The following NCOA1 variants were observed in gnomAD, a reference collection of about 807,000 sequenced individuals.
The protein encoded by NCOA1 is nuclear receptor coactivator 1.
Under a neutral mutation model 150.9 loss-of-function variants are expected in NCOA1, and 35 were observed. That is an observed-to-expected ratio of 0.23 (90% CI 0.18 to 0.31). The LOEUF (loss-of-function observed/expected upper bound fraction) is 0.31, where lower values mean the gene tolerates loss of function less well. Among genes scored for constraint, NCOA1 ranks in the 10% least tolerant of loss-of-function variants. The pLI is 1.00. For missense variants in NCOA1, 1,491 were observed against 1,749.3 expected (o/e 0.85, Z 2.63); for synonymous variants, 590 against 630.0 (o/e 0.94, Z 0.95).
chr2:24,678,804 A>G (rs1035868274), intron 7 of NCOA1, among the ~76,000 whole-genome samples: 11 of 152,164 alleles, frequency 7.2e-5, no homozygotes, highest in Non-Finnish European at 1.6e-4. Flanking sequence ...AGATGGATAG[A>G]TTGCAAAAAT....
intron 21 of NCOA1, among the ~76,000 whole-genome samples, chr2:24,758,430 A>G (rs1055115879): frequency 6.7e-6 from 1 of 149,178 alleles, no homozygotes; most frequent in Non-Finnish European, 1.5e-5. Context: ...GCCCAGGCTC[A>G]AGGGATCCTC....
At chr2:24,635,348 G>C (rs1669895565) in intron 3 of NCOA1, among the ~76,000 whole-genome samples, 2 of 152,032 alleles carry the variant, frequency 1.3e-5, no homozygotes, top group Admixed American at 1.3e-4. Context: ...TGGTTTCCCT[G>C]TTCCCTTGCT....
At chr2:24,655,258 A>G (rs896425586) in intron 4 of NCOA1, among the ~76,000 whole-genome samples, 1 of 152,132 alleles carries the variant, frequency 6.6e-6, no homozygotes, top group African/African-American at 2.4e-5. Flanking sequence ...TCTAATATTT[A>G]CCTTTGCTGA....
In NCOA1 at chr2:24,770,062, CTA is replaced by C. The variant is rs1481705141; in HGVS notation, c.*1673_*1674del. On this transcript the variant is annotated 3_prime_UTR_variant, in exon 23 of 23. Transcript: ENST00000348332. ...CCATTGAACAGCATCTATTCAGAAA[CTA>C]TGCCGAATAAAAAGATTGGTGGAAG... 1 of 229,384 alleles carries C rather than the reference CTA, an allele frequency of 4.4e-6. No homozygotes were observed. Among genetic ancestry groups the C allele is most frequent in the African/African-American group, 2.2e-5 (1 of 45,084 alleles). The allele number at this position is 229,384 out of a possible 1,614,324, so 14.2% of individuals were successfully genotyped here. A position where few individuals can be genotyped will look rare whatever the true frequency, so the allele number is the denominator to read the frequency against.
intron 3 of NCOA1, among the ~76,000 whole-genome samples, chr2:24,626,540 A>G (rs1361006080): frequency 6.6e-6 from 1 of 152,206 alleles, no homozygotes; most frequent in Non-Finnish European, 1.5e-5. Context: ...AGAGCTGGGA[A>G]AGTGGTAGTA....
At chr2:24,559,834 A>G (rs1264033829) in intron 1 of NCOA1, among the ~76,000 whole-genome samples, 1 of 152,128 alleles carries the variant, frequency 6.6e-6, no homozygotes, top group African/African-American at 2.4e-5. Flanking sequence ...CTTTCCCTGT[A>G]ACATAACTGA....
chr2:24,627,766 A>G (rs1669498147), intron 3 of NCOA1, among the ~76,000 whole-genome samples: 1 of 152,256 alleles, frequency 6.6e-6, no homozygotes, highest in Non-Finnish European at 1.5e-5. Context: ...GGAAAGAACT[A>G]AACACTTGCA....
At chr2:24,541,393 G>A (rs1665388578) in intron 1 of NCOA1, among the ~76,000 whole-genome samples, 1 of 152,166 alleles carries the variant, frequency 6.6e-6, no homozygotes, top group Admixed American at 6.5e-5. Context: ...ACTGAGTAGT[G>A]ATTTGATAAC....
chr2:24,707,775 G>T lies in NCOA1; in HGVS notation c.2305G>T (p.Asp769Tyr). The T allele has an allele frequency of 6.2e-7, 1 of 1,614,156 alleles. No individual in the cohort carries two copies. The highest frequency in any genetic ancestry group is 8.5e-7 in the Non-Finnish European group (1 of 1,180,030). Residue 769 changes from aspartate (D) to tyrosine (Y), a missense_variant, in exon 13 of 23, where the codon GAT becomes TAT. By Grantham distance (160) the Asp-to-Tyr change is radical. This residue lies in a region of NCOA1 where 703 missense variants were observed against 717.7 expected (regional missense o/e 0.98). Coordinates refer to ENST00000348332, the MANE Select transcript of NCOA1 (RefSeq NM_003743.5). ...AAGATCAACTCCAAACCTGAGCCTG[G>T]ATGATGTAAAGGTGAAAGTGGAAAA... The part of the protein sequence containing the change: ...DLRSTPNLSL[D>Y]DVKVKVEKKE...
At chr2:24,580,320 A>T (rs1667146568) in intron 2 of NCOA1, among the ~76,000 whole-genome samples, 2 of 152,128 alleles carry the variant, frequency 1.3e-5, no homozygotes, top group African/African-American at 4.8e-5. Context: ...TTCTTAGAGC[A>T]CTTTTTCAGC....
At chr2:24,655,529 A>G (rs1670900279) in intron 4 of NCOA1, among the ~76,000 whole-genome samples, 1 of 152,182 alleles carries the variant, frequency 6.6e-6, no homozygotes. Context: ...CAAACTTTAT[A>G]TATTATGTTT....
At chr2:24,498,136 A>C (rs1663302070) in intron 1 of NCOA1, among the ~76,000 whole-genome samples, 1 of 152,210 alleles carries the variant, frequency 6.6e-6, no homozygotes, top group Non-Finnish European at 1.5e-5. Flanking sequence ...TACTTTGGTG[A>C]ATTTGTTTGT....
intron 8 of NCOA1, among the ~76,000 whole-genome samples, chr2:24,683,524 T>C (rs991318261): frequency 6.6e-6 from 1 of 152,208 alleles, no homozygotes; most frequent in Non-Finnish European, 1.5e-5. Flanking sequence ...GTTTTTAGAC[T>C]TAAGTGCTTT....
At chr2:24,579,298 GA>G (rs1667107920) in intron 2 of NCOA1, among the ~76,000 whole-genome samples, 2 of 152,216 alleles carry the variant, frequency 1.3e-5, no homozygotes, top group East Asian at 3.9e-4. Flanking sequence ...CTGACAGTAG[GA>G]ATTGACTGGA....
chr2:24,622,245 T>G (rs1669201901), intron 3 of NCOA1, among the ~76,000 whole-genome samples: 1 of 152,194 alleles, frequency 6.6e-6, no homozygotes, highest in African/African-American at 2.4e-5. Flanking sequence ...TATCCTCATA[T>G]ACCACTGTTT....
intron 3 of NCOA1, among the ~76,000 whole-genome samples, chr2:24,586,269 C>T (rs1185178862): frequency 5.7e-4 from 57 of 99,616 alleles, no homozygotes; most frequent in African/African-American, 2.2e-3. Context: ...GAGCAAGACT[C>T]GGTCTCAAAA....
chr2:24,499,882 G>A (rs1276644831), intron 1 of NCOA1, among the ~76,000 whole-genome samples: 1 of 152,218 alleles, frequency 6.6e-6, no homozygotes, highest in East Asian at 1.9e-4. Flanking sequence ...AAGACAACTA[G>A]TGTCACTGAA....
intron 14 of NCOA1, among the ~76,000 whole-genome samples, chr2:24,726,299 TTAAGA>T (rs765585705): frequency 5.1e-4 from 78 of 152,322 alleles, no homozygotes; most frequent in Admixed American, 1.7e-3. Context: ...AAATTTATCT[TTAAGA>T]TAAATAATTT....
At chr2:24,742,351 T>G (rs891379980) in intron 19 of NCOA1, among the ~76,000 whole-genome samples, 165 bp downstream of exon 19, 4 of 152,188 alleles carry the variant, frequency 2.6e-5, no homozygotes, top group Non-Finnish European at 5.9e-5. Flanking sequence ...TGACACTAAA[T>G]GGTTGACTGG....
Sources: gnomAD v4.1 joint callset for allele counts (sites outside exome capture counted in the v4.1 genomes callset) on GRCh38, gnomAD v4.1.1 for gene constraint, gnomAD v4.1.1 regional missense constraint, MANE v1.5 for transcripts, NCBI Gene and HGNC (gene_info 2026-07-23, HGNC 2026-07-21) for gene names.